The following PARD3B variants were observed in gnomAD, a reference collection of about 807,000 sequenced individuals.
The protein encoded by PARD3B is par-3 family cell polarity regulator beta.
In PARD3B, 103 loss-of-function variants were observed where a neutral mutation model predicts 130.2. The ratio of observed to expected loss-of-function variants is 0.79; its 90% confidence interval spans 0.67 to 0.93. The LOEUF (loss-of-function observed/expected upper bound fraction) is 0.93, where lower values mean the gene tolerates loss of function less well. Ranked by LOEUF, PARD3B falls within the 40% of genes least tolerant of loss-of-function variation. The pLI is 0.00. For missense variants in PARD3B, 1,609 were observed against 1,499.2 expected (o/e 1.07, Z -1.21); for synonymous variants, 583 against 553.2 (o/e 1.05, Z -0.76).
In PARD3B at chr2:204,890,462, C is replaced by G. The variant is rs1382801765; in HGVS notation, c.223-74690C>G. Among the ~76,000 whole-genome samples, 1 of 152,018 alleles carries G rather than the reference C, an allele frequency of 6.6e-6. No homozygotes were observed. Among genetic ancestry groups the G allele is most frequent in the Non-Finnish European group, 1.5e-5 (1 of 68,018 alleles). On this transcript the variant is annotated intron_variant, in intron 2 of 22. Coordinates refer to ENST00000406610, the MANE Select transcript of PARD3B (RefSeq NM_001302769.2). The surrounding 1 kb of genome is among the most constrained non-coding windows in gnomAD (Gnocchi z 4.9). ...CAGTTGATGAAATATATGCTTCTGACCAAAACATGTATACATTGAATATAT... is the reference window on the plus strand; with the variant it reads ...CAGTTGATGAAATATATGCTTCTGAGCAAAACATGTATACATTGAATATAT...
chr2:204,846,177 A>T (rs1490405498), intron 2 of PARD3B, among the ~76,000 whole-genome samples: 2 of 152,130 alleles, frequency 1.3e-5, no homozygotes, highest in Non-Finnish European at 2.9e-5. Flanking sequence ...AGGAATTGGT[A>T]ATTAAAAGAA....
chr2:204,998,514 A>ATGTATATATATGTGTATATATATG (rs1553587004), intron 3 of PARD3B, among the ~76,000 whole-genome samples: 2 of 17,708 alleles, frequency 1.1e-4, no homozygotes, highest in East Asian at 2.0e-3. Flanking sequence ...GTATATATAT[A>ATGTATATATATGTGTATATATATG]TGTGTGTGTA....
intron 4 of PARD3B, among the ~76,000 whole-genome samples, chr2:205,099,540 G>GTTCC (rs1438800362): frequency 2.0e-5 from 3 of 152,140 alleles, no homozygotes; most frequent in African/African-American, 7.2e-5. Context: ...TTTAGTGAAG[G>GTTCC]AAAAGCTTAA....
At chr2:204,734,148 A>G (rs1342144003) in intron 2 of PARD3B, among the ~76,000 whole-genome samples, 1 of 152,180 alleles carries the variant, frequency 6.6e-6, no homozygotes, top group African/African-American at 2.4e-5. Flanking sequence ...AGATAGACAC[A>G]TAAATATATG....
At chr2:205,254,753 C>T (rs991671903) in intron 16 of PARD3B, among the ~76,000 whole-genome samples, 1 of 151,078 alleles carries the variant, frequency 6.6e-6, no homozygotes, top group Non-Finnish European at 1.5e-5. Flanking sequence ...AGGCTCCGCC[C>T]CCCGGGGTTC....
At chr2:205,113,152 T>C (rs1703762085) in intron 5 of PARD3B, among the ~76,000 whole-genome samples, 1 of 152,194 alleles carries the variant, frequency 6.6e-6, no homozygotes, top group African/African-American at 2.4e-5. Flanking sequence ...TCAAGTGTGT[T>C]TTAATGGGGA....
At chr2:205,339,905 G>C (rs1228328023) in intron 18 of PARD3B, among the ~76,000 whole-genome samples, 1 of 152,048 alleles carries the variant, frequency 6.6e-6, no homozygotes, top group Non-Finnish European at 1.5e-5. Flanking sequence ...TTGGAAGACA[G>C]GGGAGAAGGA....
Position 205,172,310 on chromosome 2 carries a change from A to G in PARD3B, c.1720A>G (p.Met574Val), listed in dbSNP as rs772124997. The G allele has an allele frequency of 1.5e-5, 25 of 1,614,160 alleles. No individual in the cohort carries two copies. Among genetic ancestry groups the G allele is most frequent in the East Asian group, 4.5e-5 (2 of 44,876 alleles). The change falls in exon 12 of 23, where the codon ATG (methionine) becomes GTG (valine). Residue 574 changes from methionine to valine, a missense_variant. By Grantham distance (21) the Met-to-Val change is conservative. Coordinates refer to ENST00000406610, the MANE Select transcript of PARD3B (RefSeq NM_001302769.2). The part of the protein sequence containing the change: ...HEAMETLRRS[M>V]SMEGNIRGMI... ...AGCTATGGAAACACTTAGGCGGTCA[A>G]TGTCCATGGAGGGAAACATCCGAGG...
chr2:204,670,686 A>T (rs1234917472), intron 1 of PARD3B, among the ~76,000 whole-genome samples: 1 of 152,068 alleles, frequency 6.6e-6, no homozygotes, highest in African/African-American at 2.4e-5. Context: ...TCCTAAAATT[A>T]TTGTTAGGCT....
intron 2 of PARD3B, among the ~76,000 whole-genome samples, chr2:204,741,122 T>C (rs2039991896): frequency 6.6e-6 from 1 of 152,200 alleles, no homozygotes. Flanking sequence ...ATGGCAGGTT[T>C]TGCTTTGTTC....
At chr2:205,051,835 C>G (rs1437063566) in intron 4 of PARD3B, among the ~76,000 whole-genome samples, 2 of 152,158 alleles carry the variant, frequency 1.3e-5, no homozygotes, top group Admixed American at 6.6e-5. Context: ...TATTTAACAC[C>G]AGACACACAG....
chr2:204,810,337 A>G (rs534552288), intron 2 of PARD3B, among the ~76,000 whole-genome samples: 3 of 152,234 alleles, frequency 2.0e-5, no homozygotes, highest in Middle Eastern at 3.4e-3. Flanking sequence ...TTCAAGGGGA[A>G]TGTTTCCAGT....
chr2:204,870,508 C>G (rs1396102911), intron 2 of PARD3B, among the ~76,000 whole-genome samples: 3 of 152,110 alleles, frequency 2.0e-5, no homozygotes, highest in African/African-American at 4.8e-5. Context: ...GGTCATGTCT[C>G]TATCTCAAAG....
At chr2:204,553,537 GGTGTGTGTGTGT>G (rs36193401) in intron 1 of PARD3B, among the ~76,000 whole-genome samples, 1 of 136,066 alleles carries the variant, frequency 7.3e-6, no homozygotes, top group Admixed American at 7.7e-5. Flanking sequence ...GAATCTGTGG[GGTGTGTGTGTGT>G]GTGTGTGTGT....
intron 10 of PARD3B, among the ~76,000 whole-genome samples, chr2:205,157,736 A>G (rs530410449): frequency 6.6e-6 from 1 of 152,176 alleles, no homozygotes; most frequent in Non-Finnish European, 1.5e-5. Flanking sequence ...TGAGTTGATC[A>G]TTTCCAGGAG....
At chr2:205,200,388 T>C (rs1425847684) in intron 15 of PARD3B, among the ~76,000 whole-genome samples, 2 of 152,188 alleles carry the variant, frequency 1.3e-5, no homozygotes, top group African/African-American at 4.8e-5. Flanking sequence ...CAGACCTCTT[T>C]CAGTCTTAGT....
At chr2:204,697,305 C>T (rs983975124) in intron 2 of PARD3B, among the ~76,000 whole-genome samples, 1 of 152,078 alleles carries the variant, frequency 6.6e-6, no homozygotes, top group African/African-American at 2.4e-5. Context: ...GACTGAGGAA[C>T]CTGGGACTAC....
chr2:204,759,340 C>A (rs1275088972), intron 2 of PARD3B, among the ~76,000 whole-genome samples: 1 of 152,004 alleles, frequency 6.6e-6, no homozygotes, highest in Non-Finnish European at 1.5e-5. Context: ...AAAAGGAAAT[C>A]TCTTTCCATG....
chr2:204,936,694 C>T lies in PARD3B; in HGVS notation c.223-28458C>T, dbSNP rs527866522. On this transcript the variant is annotated intron_variant, in intron 2 of 22. Coordinates refer to ENST00000406610, the MANE Select transcript of PARD3B (RefSeq NM_001302769.2). ...GAGTTCACAGTCAATCTCTTAACCA[C>T]TGTCATATCCTCATATTCTTGTTTT... Among the ~76,000 whole-genome samples the T allele has an allele frequency of 2.0e-5, 3 of 152,348 alleles. No homozygotes were observed. The East Asian group carries it at 5.8e-4, about 29-fold the overall frequency.
Sources: gnomAD v4.1 joint callset for allele counts (sites outside exome capture counted in the v4.1 genomes callset) on GRCh38, gnomAD v4.1.1 for gene constraint, Gnocchi (gnomAD v3.1) non-coding constraint, MANE v1.5 for transcripts, NCBI Gene and HGNC (gene_info 2026-07-23, HGNC 2026-07-21) for gene names.